GRM5: variants seen among roughly 807,000 people sequenced by gnomAD.
The protein encoded by GRM5 is glutamate metabotropic receptor 5, also known as metabotropic glutamate receptor 5.
In GRM5, 19 loss-of-function variants were observed where a neutral mutation model predicts 83.1. That is an observed-to-expected ratio of 0.23 (90% CI 0.16 to 0.34). The LOEUF (loss-of-function observed/expected upper bound fraction) is 0.34, where lower values mean the gene tolerates loss of function less well. Ranked by LOEUF, GRM5 falls within the 10% of genes least tolerant of loss-of-function variation. The pLI is 1.00. For missense variants in GRM5, 1,160 were observed against 1,588.3 expected, an observed-to-expected ratio of 0.73 and a Z score of 4.58; for synonymous variants, 675 against 633.6, an observed-to-expected ratio of 1.07 and a Z score of -0.98.
chr11:88,560,163 T>A (rs1374421121), intron 8 of GRM5, among the ~76,000 whole-genome samples: 1 of 152,168 alleles, frequency 6.6e-6, no homozygotes, highest in East Asian at 1.9e-4. Context: ...GGGCCTTTCC[T>A]ATTATGCAAA....
At chr11:88,951,487 G>C (rs1019476959) in intron 2 of GRM5, among the ~76,000 whole-genome samples, 2 of 152,218 alleles carry the variant, frequency 1.3e-5, no homozygotes, top group Non-Finnish European at 1.5e-5. Flanking sequence ...TGGACGGTAA[G>C]AGCTGATGTG....
chr11:88,682,025 G>A (rs1940508318), intron 3 of GRM5, among the ~76,000 whole-genome samples: 1 of 152,124 alleles, frequency 6.6e-6, no homozygotes, highest in African/African-American at 2.4e-5. Context: ...GTTCACCTAG[G>A]ATAGCAAGAT....
At chr11:88,816,169 C>A (rs565109995) in intron 3 of GRM5, among the ~76,000 whole-genome samples, 6 of 126,918 alleles carry the variant, frequency 4.7e-5, no homozygotes, top group African/African-American at 1.7e-4. Context: ...GCCGAGATTG[C>A]GCCACTGCAG....
intron 8 of GRM5, among the ~76,000 whole-genome samples, chr11:88,528,183 A>G (rs1941925610): frequency 6.6e-6 from 1 of 152,104 alleles, no homozygotes; most frequent in Admixed American, 6.6e-5. Flanking sequence ...AATAATGAAA[A>G]TTCAAAACAA....
chr11:88,891,603 C>A (rs1163618587), intron 2 of GRM5, among the ~76,000 whole-genome samples: 2 of 2,288 alleles, frequency 8.7e-4, no homozygotes, highest in Non-Finnish European at 3.2e-3. Flanking sequence ...TTCTAAAATT[C>A]TAATGTCTCA....
At chr11:88,680,584 G>C (rs945161839) in intron 3 of GRM5, among the ~76,000 whole-genome samples, 1 of 152,134 alleles carries the variant, frequency 6.6e-6, no homozygotes, top group Non-Finnish European at 1.5e-5. Flanking sequence ...ATCCCTCAGG[G>C]ATCTAGAACT....
chr11:88,851,285 C>T (rs1380949553), intron 2 of GRM5, among the ~76,000 whole-genome samples: 1 of 152,058 alleles, frequency 6.6e-6, no homozygotes, highest in Non-Finnish European at 1.5e-5. Flanking sequence ...AGGGGGATTG[C>T]TTTGAAGAAT....
chr11:88,665,466 G>A (rs924424113), intron 3 of GRM5, among the ~76,000 whole-genome samples: 1 of 152,022 alleles, frequency 6.6e-6, no homozygotes, highest in Non-Finnish European at 1.5e-5. Context: ...ATATCCCCAC[G>A]ACACTCAGAA....
At chr11:88,865,811 C>G (rs1223299859) in intron 2 of GRM5, among the ~76,000 whole-genome samples, 3 of 152,070 alleles carry the variant, frequency 2.0e-5, no homozygotes, top group African/African-American at 4.8e-5. Context: ...GAAAAAAACT[C>G]ATCGTCACTG....
chr11:88,963,101 A>AAAAC (rs901282651), intron 2 of GRM5, among the ~76,000 whole-genome samples: 3 of 152,184 alleles, frequency 2.0e-5, no homozygotes, highest in African/African-American at 7.2e-5. Flanking sequence ...AAACAAACAA[A>AAAAC]AAACAAACAA....
At chr11:88,702,143 C>G (rs1941049796) in intron 3 of GRM5, among the ~76,000 whole-genome samples, 1 of 151,954 alleles carries the variant, frequency 6.6e-6, no homozygotes, top group Admixed American at 6.6e-5. Flanking sequence ...GTTAGGATTT[C>G]ATTTTTAGTT....
At chr11:88,675,636 T>C (rs1201985350) in intron 3 of GRM5, among the ~76,000 whole-genome samples, 1 of 151,970 alleles carries the variant, frequency 6.6e-6, no homozygotes, top group Non-Finnish European at 1.5e-5. Flanking sequence ...TGTAAGGTTA[T>C]TTACAGGAAT....
chr11:88,811,362 T>C (rs1485605342), intron 3 of GRM5, among the ~76,000 whole-genome samples: 1 of 152,130 alleles, frequency 6.6e-6, no homozygotes, highest in South Asian at 2.1e-4. Flanking sequence ...ACAAGGACTT[T>C]GGGAATCTGA....
At chr11:88,833,139 T>C (rs1421550083) in intron 3 of GRM5, among the ~76,000 whole-genome samples, 1 of 152,112 alleles carries the variant, frequency 6.6e-6, no homozygotes, top group Non-Finnish European at 1.5e-5. Context: ...AAAAAGCTTC[T>C]GTACAGTGAA....
chr11:88,838,396 G>A (rs1944133631), intron 3 of GRM5, among the ~76,000 whole-genome samples: 1 of 152,090 alleles, frequency 6.6e-6, no homozygotes, highest in Admixed American at 6.5e-5. Context: ...TCTTTTTATG[G>A]AGCAGTCTGT....
intron 3 of GRM5, among the ~76,000 whole-genome samples, chr11:88,706,930 GT>G (rs896767391): frequency 6.6e-6 from 1 of 152,086 alleles, no homozygotes; most frequent in Non-Finnish European, 1.5e-5. Flanking sequence ...TTATATTTAA[GT>G]TTATTGCTGA....
chr11:88,518,429 A>G (rs1166536181), intron 9 of GRM5, among the ~76,000 whole-genome samples: 1 of 151,990 alleles, frequency 6.6e-6, no homozygotes, highest in Non-Finnish European at 1.5e-5. Context: ...ATGTTTTTTG[A>G]TTAATTTTTT....
intron 2 of GRM5, among the ~76,000 whole-genome samples, chr11:88,991,149 A>G (rs1939952250): frequency 1.3e-5 from 2 of 152,190 alleles, no homozygotes; most frequent in Admixed American, 6.5e-5. Context: ...TAAGCTGATA[A>G]GCAACTTCAG....
chr11:88,563,929 G>T (rs1037499054), intron 8 of GRM5, among the ~76,000 whole-genome samples: 4 of 152,230 alleles, frequency 2.6e-5, no homozygotes, highest in Admixed American at 6.5e-5. Flanking sequence ...TCACAGAGAA[G>T]AAATATTTAG....
Sources: allele counts gnomAD v4.1 joint callset (sites outside exome capture counted in the v4.1 genomes callset), GRCh38; gene constraint gnomAD v4.1.1; transcripts MANE v1.5; gene names NCBI Gene and HGNC (gene_info 2026-07-23, HGNC 2026-07-21).